Variants in FRMD3 observed in about 807,000 individuals in gnomAD.
The protein encoded by FRMD3 is FERM domain-containing protein 3.
A neutral mutation model predicts 70.2 loss-of-function variants in FRMD3; 33 were observed. The ratio of observed to expected loss-of-function variants is 0.47; its 90% CI spans 0.36 to 0.63. The LOEUF (loss-of-function observed/expected upper bound fraction) is 0.63. Among genes scored for constraint, FRMD3 ranks in the 20% least tolerant of loss-of-function variants. The pLI, the probability that FRMD3 is intolerant of heterozygous loss-of-function variation, is 0.00. For synonymous variants in FRMD3, 279 were observed against 255.9 expected (o/e 1.09, Z -0.86); for missense variants, 632 against 711.4 (o/e 0.89, Z 1.27).
the FRMD3 span, among the ~76,000 whole-genome samples, chr9:83,550,731 T>C: frequency 7.1e-4 from 104 of 147,474 alleles, no homozygotes; most frequent in East Asian, 0.014. Flanking sequence ...TGTGCATTCA[T>C]GTGTGAATTG....
rs563507172 is a variant in FRMD3, at chr9:83,438,246, A to G, written c.148-48538T>C. 4.6e-5 allele frequency among the ~76,000 whole-genome samples: 7 copies of G among 152,264 alleles called. No individual in the cohort carries two copies. In the South Asian group the frequency reaches 1.5e-3, roughly 32 times the overall value. On this transcript the variant is annotated intron_variant, in intron 1 of 13. Transcript: ENST00000304195. ...TATAACATTACTCCAAAGAAACAGAACCCAGAAATTCCAGCTTTTAAATTG... is the reference window on the plus strand; with the variant it reads ...TATAACATTACTCCAAAGAAACAGAGCCCAGAAATTCCAGCTTTTAAATTG...
chr9:83,457,266 C>T (rs900250008), intron 1 of FRMD3, among the ~76,000 whole-genome samples: 9 of 152,218 alleles, frequency 5.9e-5, no homozygotes, highest in African/African-American at 2.2e-4. Context: ...TGAAGTTCAA[C>T]TACTCAGAAA....
At chr9:83,373,032 G>C in intron 2 of FRMD3, 77 bp from the exon 3 acceptor site, 3 of 1,215,388 alleles carry the variant, frequency 2.5e-6, no homozygotes, top group Non-Finnish European at 3.6e-6. Context: ...ATAACTAAAA[G>C]GAATTCCAAA....
chr9:83,323,387 A>G (rs1322076446), intron 6 of FRMD3, among the ~76,000 whole-genome samples: 1 of 152,232 alleles, frequency 6.6e-6, no homozygotes, highest in Non-Finnish European at 1.5e-5. Flanking sequence ...ATAACATTGA[A>G]CAAAAGAAGC....
At chr9:83,534,759 G>A (rs1284279044) in intron 1 of FRMD3, among the ~76,000 whole-genome samples, 1 of 152,182 alleles carries the variant, frequency 6.6e-6, no homozygotes, top group African/African-American at 2.4e-5. Flanking sequence ...ATGTTTCTGG[G>A]GGGTGGAAAT....
At chr9:83,538,595 G>A (rs1240222262), upstream of FRMD3, 2 of 174,212 alleles carry the variant, frequency 1.1e-5, no homozygotes, top group African/African-American at 4.7e-5. The surrounding 1 kb of genome is among the most constrained non-coding windows in gnomAD (Gnocchi z 4.7). Context: ...GAGGCGGAGG[G>A]ATGGCTGGCG....
In FRMD3 at chr9:83,290,241, TC is replaced by T. The variant is rs780347023; in HGVS notation, c.1195+361del. On this transcript the variant is annotated intron_variant, in intron 13 of 13. Transcript: ENST00000304195. ...ACATGTGGCTATTGAGCACTGAGAATCTGGCTATTGTGACTGAGGAAATGGA... is the reference window on the plus strand; with the variant it reads ...ACATGTGGCTATTGAGCACTGAGAATTGGCTATTGTGACTGAGGAAATGGA... Among the ~76,000 whole-genome samples the T allele has an allele frequency of 1.7e-4, 26 of 152,368 alleles. No homozygotes were observed. In the East Asian group the frequency reaches 4.6e-3, roughly 27 times the overall value.
In FRMD3 at chr9:83,393,152, A is replaced by G. The variant is rs2079234711; in HGVS notation, c.148-3444T>C. On this transcript the variant is annotated intron_variant, in intron 1 of 13. Transcript: ENST00000304195. ...GTTGTATGGTCTCAGAAATGCACTG[A>G]CAGGGTTGAAAGAATTTGTTCAACT... Among the ~76,000 whole-genome samples the G allele has an allele frequency of 2.0e-5, 3 of 152,228 alleles. No homozygotes were observed. The South Asian group carries it at 6.2e-4, about 32-fold the overall frequency.
intron 13 of FRMD3, among the ~76,000 whole-genome samples, chr9:83,284,061 A>ATTTTTTTTTTTTT (rs71365307): frequency 9.8e-6 from 1 of 101,712 alleles, no homozygotes; most frequent in Non-Finnish European, 2.0e-5. Flanking sequence ...CTAGGATGTT[A>ATTTTTTTTTTTTT]TTTTTTTTTT....
At chr9:83,445,907 A>G (rs747226844) in intron 1 of FRMD3, among the ~76,000 whole-genome samples, 4 of 152,222 alleles carry the variant, frequency 2.6e-5, no homozygotes, top group Non-Finnish European at 5.9e-5. Flanking sequence ...TTTGCTGTGT[A>G]TAGTAGCCAG....
intron 4 of FRMD3, among the ~76,000 whole-genome samples, chr9:83,343,743 C>T (rs992227081): frequency 1.3e-5 from 2 of 152,224 alleles, no homozygotes; most frequent in African/African-American, 2.4e-5. Context: ...GGCAGAGAGA[C>T]ACATTAATCA....
At chr9:83,525,791 T>A (rs1442904495) in intron 1 of FRMD3, among the ~76,000 whole-genome samples, 1 of 152,220 alleles carries the variant, frequency 6.6e-6, no homozygotes. Context: ...AGACCAGCTC[T>A]GGTTCAGGTG....
At chr9:83,520,433 C>T (rs919190480) in intron 1 of FRMD3, among the ~76,000 whole-genome samples, 5 of 152,200 alleles carry the variant, frequency 3.3e-5, no homozygotes, top group African/African-American at 1.2e-4. Flanking sequence ...GCATTGCTCC[C>T]ATCTTTACTC....
At chr9:83,356,188 C>G (rs757638227) in intron 3 of FRMD3, among the ~76,000 whole-genome samples, 5 of 150,768 alleles carry the variant, frequency 3.3e-5, no homozygotes, top group Non-Finnish European at 4.4e-5. Context: ...AAGGGACTTT[C>G]TTTCTATTTC....
the FRMD3 span, among the ~76,000 whole-genome samples, chr9:83,555,294 G>A: frequency 2.6e-4 from 39 of 151,728 alleles, 1 homozygote; most frequent in Admixed American, 1.9e-3. Flanking sequence ...AATTAAGATC[G>A]CTGTTGGCTG....
At chr9:83,385,651 C>G (rs923587914) in intron 2 of FRMD3, among the ~76,000 whole-genome samples, 1 of 152,112 alleles carries the variant, frequency 6.6e-6, no homozygotes, top group Non-Finnish European at 1.5e-5. Flanking sequence ...TTCAGCTTCT[C>G]TAACTCACTT....
At chr9:83,441,479 C>G (rs1161954588) in intron 1 of FRMD3, among the ~76,000 whole-genome samples, 1 of 152,024 alleles carries the variant, frequency 6.6e-6, no homozygotes, top group Non-Finnish European at 1.5e-5. Flanking sequence ...CACATTGAGC[C>G]AAGTAGATAA....
intron 1 of FRMD3, among the ~76,000 whole-genome samples, chr9:83,416,246 T>C (rs951289805): frequency 1.3e-5 from 2 of 152,228 alleles, no homozygotes; most frequent in Non-Finnish European, 2.9e-5. Context: ...GTTGTCTACA[T>C]TGATTTTCTT....
At chr9:83,261,272 T>C (rs1832979225) in intron 13 of FRMD3, among the ~76,000 whole-genome samples, 1 of 152,108 alleles carries the variant, frequency 6.6e-6, no homozygotes. Context: ...TCTTTCCCCA[T>C]CCTTAGGCTT....
Sources: gnomAD v4.1 joint callset for allele counts (sites outside exome capture counted in the v4.1 genomes callset) on GRCh38, gnomAD v4.1.1 for gene constraint, Gnocchi (gnomAD v3.1) non-coding constraint, MANE v1.5 for transcripts, NCBI Gene and HGNC (gene_info 2026-07-23, HGNC 2026-07-21) for gene names.